Variants in MMP26 observed in about 807,000 individuals in gnomAD.
The protein encoded by MMP26 is matrix metalloproteinase-26.
Under a neutral mutation model 31.0 loss-of-function variants are expected in MMP26, and 33 were observed. The ratio of observed to expected loss-of-function variants is 1.06; its 90% CI spans 0.81 to 1.42. The LOEUF (loss-of-function observed/expected upper bound fraction) is 1.42, where lower values mean the gene tolerates loss of function less well. Ranked by LOEUF, MMP26 falls within the 40% of genes most tolerant of loss-of-function variation. MMP26 has a pLI of 0.00. For missense variants in MMP26, 347 were observed against 316.1 expected (o/e 1.10, Z -0.74); for synonymous variants, 122 against 114.9 (o/e 1.06, Z -0.40).
intron 2 of MMP26, among the ~76,000 whole-genome samples, chr11:4,806,497 G>T (rs904034785): frequency 2.6e-5 from 4 of 152,014 alleles, no homozygotes; most frequent in African/African-American, 9.7e-5. Flanking sequence ...TGTCTCTTTT[G>T]ATCTTTGTTG....
intron 2 of MMP26, among the ~76,000 whole-genome samples, chr11:4,949,832 AC>A (rs145868076): frequency 0.33 from 40,652 of 122,190 alleles, 13,686 homozygotes; most frequent in Middle Eastern, 0.51. Context: ...AAAACACTAA[AC>A]TTATTTTAAT....
At chr11:4,808,299 G>T (rs1362126425) in intron 2 of MMP26, among the ~76,000 whole-genome samples, 2 of 152,182 alleles carry the variant, frequency 1.3e-5, no homozygotes, top group African/African-American at 4.8e-5. Context: ...CTCCTGCCCA[G>T]GTTGGGGAAA....
chr11:4,975,067 T>C (rs1174589967), intron 2 of MMP26, among the ~76,000 whole-genome samples: 1 of 152,070 alleles, frequency 6.6e-6, no homozygotes, highest in Non-Finnish European at 1.5e-5. Flanking sequence ...CAAGTTTACC[T>C]ATGTGACAAA....
Position 4,821,733 on chromosome 11 carries a change from C to T in MMP26, c.-145+54392C>T, listed in dbSNP as rs868163864. The T allele has an allele frequency of 1.9e-6, 3 of 1,613,888 alleles. No homozygotes were observed. In the Admixed American group the frequency reaches 5.0e-5, roughly 27 times the overall value. ...TAAATGCCTGCATTGCCCAGATGTT[C>T]TTTCTACACGGATTTACTTTCATGG... On this transcript the variant is annotated intron_variant, in intron 2 of 7. Coordinates refer to ENST00000380390, the MANE Select transcript of MMP26 (RefSeq NM_021801.5).
At chr11:4,754,669 A>G (rs545343321) in intron 1 of MMP26, among the ~76,000 whole-genome samples, 1 of 152,118 alleles carries the variant, frequency 6.6e-6, no homozygotes, top group East Asian at 1.9e-4. Context: ...GTACTTACTT[A>G]TAGCTGTAGA....
intron 2 of MMP26, among the ~76,000 whole-genome samples, chr11:4,810,405 G>A (rs1049345107): frequency 1.6e-4 from 24 of 152,264 alleles, no homozygotes; most frequent in African/African-American, 3.9e-4. Flanking sequence ...GTGAATAAGC[G>A]TAAGTGTATA....
chr11:4,825,018 T>C (rs578104608), intron 2 of MMP26, among the ~76,000 whole-genome samples: 1 of 152,194 alleles, frequency 6.6e-6, no homozygotes, highest in South Asian at 2.1e-4. Flanking sequence ...TTAATAAAAA[T>C]CCTCTTTTCA....
intron 2 of MMP26, among the ~76,000 whole-genome samples, chr11:4,905,458 T>A (rs56144450): frequency 0.01 from 1,531 of 152,256 alleles, 29 homozygotes; most frequent in African/African-American, 0.035. Context: ...AAATACAGTA[T>A]GAATTCACAG....
At chr11:4,740,364 G>A (rs1268733303) in intron 1 of MMP26, among the ~76,000 whole-genome samples, 2 of 151,470 alleles carry the variant, frequency 1.3e-5, no homozygotes, top group African/African-American at 4.8e-5. Flanking sequence ...AGGCAGAAAA[G>A]TCACAGCAGG....
intron 2 of MMP26, among the ~76,000 whole-genome samples, chr11:4,979,423 G>A (rs963311620): frequency 1.3e-5 from 2 of 152,106 alleles, no homozygotes; most frequent in African/African-American, 4.8e-5. Context: ...AATGAACATC[G>A]TGTCATTTTT....
At chr11:4,805,143 C>A (rs541488524) in intron 2 of MMP26, among the ~76,000 whole-genome samples, 1 of 152,208 alleles carries the variant, frequency 6.6e-6, no homozygotes, top group South Asian at 2.1e-4. Context: ...AGCCACTTGG[C>A]CAATTTCTCA....
chr11:4,915,121 A>G (rs1041781534), intron 2 of MMP26: 1 of 1,614,150 alleles, frequency 6.2e-7, no homozygotes, highest in Non-Finnish European at 8.5e-7. Context: ...GACAATAAGA[A>G]TGTGAGAGAA....
At chr11:4,934,867 T>A (rs1851410492) in intron 2 of MMP26, among the ~76,000 whole-genome samples, 1 of 151,260 alleles carries the variant, frequency 6.6e-6, no homozygotes. Context: ...CTCAGGTTTG[T>A]CAAAGATCAG....
At chr11:4,868,872 A>C (rs1243955381) in intron 2 of MMP26, among the ~76,000 whole-genome samples, 2 of 152,204 alleles carry the variant, frequency 1.3e-5, no homozygotes, top group African/African-American at 2.4e-5. Context: ...AAACAGAGAT[A>C]CAGACCAATG....
chr11:4,799,751 T>C (rs1849156406), intron 2 of MMP26, among the ~76,000 whole-genome samples: 1 of 152,180 alleles, frequency 6.6e-6, no homozygotes, highest in Admixed American at 6.5e-5. Flanking sequence ...CAGCATACAA[T>C]GGTGGTACAG....
At chr11:4,990,776 G>A in intron 5 of MMP26, 30 bp downstream of exon 5, 5 of 1,611,394 alleles carry the variant, frequency 3.1e-6, no homozygotes, top group Non-Finnish European at 3.4e-6. Context: ...AGAAGGATAT[G>A]TATATGCCCT....
At chr11:4,787,778 C>T (rs990969948) in intron 2 of MMP26, 5 of 152,094 alleles carry the variant, frequency 3.3e-5, no homozygotes, top group Non-Finnish European at 7.4e-5. Flanking sequence ...CATGCCAACC[C>T]GTATTTCTTC....
chr11:4,819,389 C>A (rs1318934878), intron 2 of MMP26, among the ~76,000 whole-genome samples: 5 of 151,426 alleles, frequency 3.3e-5, no homozygotes, highest in African/African-American at 1.2e-4. Context: ...ACATAAGGTA[C>A]CCGGGAGAGG....
intron 2 of MMP26, among the ~76,000 whole-genome samples, chr11:4,813,424 A>C (rs1849377751): frequency 1.3e-5 from 2 of 151,760 alleles, no homozygotes; most frequent in South Asian, 4.2e-4. Context: ...GGGTCTTGCT[A>C]TGTTGCCCAG....
Sources: gnomAD v4.1 joint callset for allele counts (sites outside exome capture counted in the v4.1 genomes callset) on GRCh38, gnomAD v4.1.1 for gene constraint, MANE v1.5 for transcripts, NCBI Gene and HGNC (gene_info 2026-07-23, HGNC 2026-07-21) for gene names.